Variants in CFAP43 observed in about 807,000 individuals in gnomAD.
CFAP43 encodes the protein cilia and flagella associated protein 43, also known as cilia- and flagella-associated protein 43.
CFAP43 carries 155 observed loss-of-function variants against 218.9 expected under a neutral mutation model. That is an observed-to-expected ratio of 0.71 (90% CI 0.62 to 0.81). The LOEUF (loss-of-function observed/expected upper bound fraction) is 0.81, where lower values mean the gene tolerates loss of function less well. Ranked by LOEUF, CFAP43 falls within the 30% of genes least tolerant of loss-of-function variation. CFAP43 has a pLI of 0.00. For synonymous variants in CFAP43, 645 were observed against 681.3 expected (o/e 0.95, Z 0.83); for missense variants, 1,778 against 1,954.3 (o/e 0.91, Z 1.70).
chr10:104,230,914 G>T lies in CFAP43; in HGVS notation c.66-71C>A. On this transcript the variant is annotated intron_variant, in intron 1 of 37. Coordinates refer to ENST00000357060, the MANE Select transcript of CFAP43 (RefSeq NM_025145.7). ...CTTTTTTTTTTTTAACAAAGCAAAG[G>T]GTCATCAAAATCTTTGAAACATTTC... The T allele has an allele frequency of 3.4e-6, 5 of 1,455,170 alleles. No individual in the cohort carries two copies. In the South Asian group the frequency reaches 7.4e-5, roughly 21 times the overall value. The allele number at this position is 1,455,170 out of a possible 1,614,324, so 90.1% of individuals were successfully genotyped here.
intron 3 of CFAP43, 68 bp downstream of exon 3, chr10:104,225,393 T>C: frequency 8.1e-7 from 1 of 1,236,186 alleles, no homozygotes; most frequent in Non-Finnish European, 1.1e-6. Flanking sequence ...TTTCCTTCGA[T>C]AAAATCCAGA....
intron 27 of CFAP43, among the ~76,000 whole-genome samples, chr10:104,158,425 A>G (rs1457833468): frequency 1.3e-5 from 2 of 152,220 alleles, no homozygotes; most frequent in Non-Finnish European, 2.9e-5. Context: ...ACACAGCATC[A>G]TCTACTTAGT....
At chr10:104,138,253 A>G in intron 34 of CFAP43, among the ~76,000 whole-genome samples, 1 of 152,254 alleles carries the variant, frequency 6.6e-6, no homozygotes, top group Non-Finnish European at 1.5e-5. Flanking sequence ...CCAGGCGAAT[A>G]GTGATAAATA....
chr10:104,167,136 G>T (rs1471953114), intron 22 of CFAP43, among the ~76,000 whole-genome samples: 2 of 152,052 alleles, frequency 1.3e-5, no homozygotes, highest in African/African-American at 4.8e-5. Flanking sequence ...AAAAAGAGTG[G>T]GTGCAAAGTT....
intron 21 of CFAP43, 119 bp from the exon 22 acceptor site, chr10:104,167,856 T>C: frequency 1.6e-6 from 1 of 630,426 alleles, no homozygotes; most frequent in South Asian, 2.8e-5. Flanking sequence ...CATGTGTTAG[T>C]AAAATTGACA....
chr10:104,215,410 C>G (rs2090985798), intron 3 of CFAP43, among the ~76,000 whole-genome samples: 1 of 152,254 alleles, frequency 6.6e-6, no homozygotes, highest in South Asian at 2.1e-4. Context: ...CCTTCATTCC[C>G]TATCACAAAT....
chr10:104,144,925 G>A (rs2087887075), intron 31 of CFAP43, among the ~76,000 whole-genome samples: 2 of 152,234 alleles, frequency 1.3e-5, no homozygotes, highest in Admixed American at 1.3e-4. Context: ...GAGATACTCT[G>A]AGGAAAAGCA....
chr10:104,160,944 A>T (rs1053628438), intron 27 of CFAP43, 93 bp downstream of exon 27: 2 of 1,274,400 alleles, frequency 1.6e-6, no homozygotes, highest in South Asian at 3.2e-5. Flanking sequence ...TCCTTAAGCT[A>T]TTAAAGATAT....
chr10:104,144,405 C>A (rs1042634087), intron 31 of CFAP43, among the ~76,000 whole-genome samples: 2 of 152,156 alleles, frequency 1.3e-5, no homozygotes, highest in South Asian at 4.1e-4. Context: ...AATCCCAACA[C>A]TTTGGGAGGT....
rs1441610933 is a variant in CFAP43 at position 104,232,220 on chromosome 10, T to C, written c.27A>G (p.Glu9=). The C allele has an allele frequency of 1.2e-6, 2 of 1,608,950 alleles. No individual in the cohort carries two copies. Among genetic ancestry groups the C allele is most frequent in the South Asian group, 2.2e-5 (2 of 90,378 alleles). Residue 9 remains glutamate, a synonymous_variant, in exon 1 of 38, where the codon GAA becomes GAG. Coordinates refer to ENST00000357060, the MANE Select transcript of CFAP43 (RefSeq NM_025145.7). MAQGRERD[E]GPHSAGGASL... is the part of the protein sequence containing the mutation. ...ACGCGCCGCCGGCGGAGTGGGGGCC[T>C]TCGTCGCGCTCCCGGCCTTGCGCCA...
chr10:104,222,743 A>G (rs963807584), intron 3 of CFAP43, among the ~76,000 whole-genome samples: 3 of 152,212 alleles, frequency 2.0e-5, no homozygotes, highest in Non-Finnish European at 4.4e-5. Context: ...CTTATCAAAA[A>G]TGCCCTCTAC....
intron 10 of CFAP43, among the ~76,000 whole-genome samples, chr10:104,194,606 C>T (rs571890692): frequency 1.2e-4 from 19 of 152,150 alleles, no homozygotes; most frequent in Non-Finnish European, 2.2e-4. Context: ...ACTGTATCAC[C>T]GGAAGATGTA....
intron 27 of CFAP43, 28 bp downstream of exon 27, chr10:104,161,009 G>T: frequency 1.3e-6 from 2 of 1,578,530 alleles, no homozygotes; most frequent in Non-Finnish European, 8.7e-7. Context: ...GGATATGGTA[G>T]GTTATATTAA....
rs115480699 is a variant in CFAP43 at position 104,223,574 on chromosome 10, T to C, written c.416+1887A>G. Among the ~76,000 whole-genome samples the C allele has an allele frequency of 6.5e-3, 986 of 152,354 alleles. 12 individuals are homozygous for C. Among genetic ancestry groups the C allele is most frequent in the African/African-American group, 0.023 (968 of 41,576 alleles). On this transcript the variant is annotated intron_variant, in intron 3 of 37. Transcript: ENST00000357060. ...CACATTTGTGCTCATTCCACTTCAC[T>C]GCTTTTTTAATATTTACAGATTGCT... is the stretch of plus-strand genomic sequence containing the variant.
intron 8 of CFAP43, among the ~76,000 whole-genome samples, chr10:104,198,314 C>G (rs1330377926): frequency 6.6e-6 from 1 of 152,166 alleles, no homozygotes; most frequent in Non-Finnish European, 1.5e-5. Flanking sequence ...CAAAGTCTTG[C>G]TATTGTTGCC....
rs138808813 is a variant in CFAP43 at position 104,137,529 on chromosome 10, C to T, written c.4431+3313G>A. Among the ~76,000 whole-genome samples, 421 of 152,148 alleles carry T rather than the reference C, an allele frequency of 2.8e-3. 2 individuals are homozygous for T. Among genetic ancestry groups the T allele is most frequent in the Middle Eastern group, 6.8e-3 (2 of 294 alleles). ...AGGATGATAAAAAATGTTCTGAGGCCGGGTGGGGTGCCTCACTCCTGTAAT... is the reference window on the plus strand; with the variant it reads ...AGGATGATAAAAAATGTTCTGAGGCTGGGTGGGGTGCCTCACTCCTGTAAT... On this transcript the variant is annotated intron_variant, in intron 34 of 37. Coordinates refer to ENST00000357060, the MANE Select transcript of CFAP43 (RefSeq NM_025145.7).
At chr10:104,225,382 A>G (rs1438096306) in intron 3 of CFAP43, 79 bp downstream of exon 3, 1 of 1,133,690 alleles carries the variant, frequency 8.8e-7, no homozygotes, top group East Asian at 2.7e-5. Flanking sequence ...TTTCATGTCT[A>G]TTTCCTTCGA....
intron 1 of CFAP43, 24 bp downstream of exon 1, chr10:104,232,158 G>A (rs1379894227): frequency 1.2e-6 from 2 of 1,601,602 alleles, no homozygotes; most frequent in Admixed American, 1.7e-5. Context: ...ACCCAGATCG[G>A]TCGCGGGGCC....
At position 104,187,304 on chromosome 10, in the gene CFAP43, T is replaced by C; in HGVS notation, c.1860+16A>G. The C allele has an allele frequency of 6.3e-7, 1 of 1,588,284 alleles. No homozygotes were observed. Among genetic ancestry groups the C allele is most frequent in the South Asian group, 1.2e-5 (1 of 85,948 alleles). ...ATTGCTAAGATAAATGAGAGCACAC[T>C]TAAGTGTTGACATACTTCTTCAGGA... On this transcript the variant is annotated intron_variant, in intron 14 of 37. Transcript: ENST00000357060.
Sources: allele counts gnomAD v4.1 joint callset (sites outside exome capture counted in the v4.1 genomes callset), GRCh38; gene constraint gnomAD v4.1.1; transcripts MANE v1.5; gene names NCBI Gene and HGNC (gene_info 2026-07-23, HGNC 2026-07-21).